Variants in DAAM1 observed in about 807,000 individuals in gnomAD.
DAAM1 encodes the protein disheveled-associated activator of morphogenesis 1.
Under a neutral mutation model 130.0 loss-of-function variants are expected in DAAM1, and 52 were observed. That is an observed-to-expected ratio of 0.40 (90% confidence interval 0.32 to 0.50). DAAM1 has a LOEUF of 0.50. DAAM1 is among the 20% of genes least tolerant of loss of function. The pLI is 0.61. For synonymous variants in DAAM1, 452 were observed against 444.5 expected, an observed-to-expected ratio of 1.02 and a Z score of -0.21; for missense variants, 1,134 against 1,303.8, an observed-to-expected ratio of 0.87 and a Z score of 2.01.
At chr14:59,320,633 C>CT (rs1884972103) in intron 5 of DAAM1, 49 bp downstream of exon 5, 8 of 1,393,428 alleles carry the variant, frequency 5.7e-6, no homozygotes, top group Admixed American at 2.5e-5. Context: ...TCCTTCCTTC[C>CT]TTTTTTTGCA....
At chr14:59,247,883 C>A (rs1881462562) in intron 1 of DAAM1, among the ~76,000 whole-genome samples, 1 of 152,124 alleles carries the variant, frequency 6.6e-6, no homozygotes, top group East Asian at 1.9e-4. Flanking sequence ...CCATGTTGTG[C>A]AACTTGGATG....
rs577943761 is a variant in DAAM1 at position 59,196,992 on chromosome 14, C to T, written c.-38+8224C>T. 8.1e-3 allele frequency among the ~76,000 whole-genome samples: 1,227 copies of T among 152,206 alleles called. 10 individuals are homozygous for T. Among genetic ancestry groups the T allele is most frequent in the Non-Finnish European group, 0.014 (965 of 67,996 alleles). The stretch of plus-strand genomic sequence containing the variant: ...CTGGAGTGCAGTGGCGCGATCTCGG[C>T]TCACTGCAAGCTCCGCCTTCCAGGT... On this transcript the variant is annotated intron_variant, in intron 1 of 24. Transcript: ENST00000360909.
At chr14:59,213,930 A>C (rs555137837) in intron 1 of DAAM1, among the ~76,000 whole-genome samples, 2 of 152,320 alleles carry the variant, frequency 1.3e-5, no homozygotes, top group Non-Finnish European at 2.9e-5. Context: ...CATCTATCAA[A>C]GGGCAACCTC....
At chr14:59,190,926 C>T (rs936781609) in intron 1 of DAAM1, among the ~76,000 whole-genome samples, 1 of 152,274 alleles carries the variant, frequency 6.6e-6, no homozygotes, top group South Asian at 2.1e-4. Flanking sequence ...TTTATACTAC[C>T]ACTACTATTA....
intron 1 of DAAM1, among the ~76,000 whole-genome samples, chr14:59,194,802 T>A (rs1887833580): frequency 6.6e-6 from 1 of 152,266 alleles, no homozygotes; most frequent in African/African-American, 2.4e-5. Context: ...AAACAATTTC[T>A]ATTCTTTTAA....
chr14:59,240,160 G>A (rs1221175182), intron 1 of DAAM1, among the ~76,000 whole-genome samples: 1 of 152,186 alleles, frequency 6.6e-6, no homozygotes, highest in East Asian at 1.9e-4. Flanking sequence ...GGCTAGAGGG[G>A]GGTATGGCTT....
At chr14:59,319,054 G>A (rs182937731) in intron 4 of DAAM1, among the ~76,000 whole-genome samples, 49 of 152,270 alleles carry the variant, frequency 3.2e-4, no homozygotes, top group African/African-American at 1.1e-3. Flanking sequence ...GAGTCCAAAC[G>A]AGTTCAGCTA....
chr14:59,330,940 A>G (rs1181301042), intron 13 of DAAM1, among the ~76,000 whole-genome samples: 1 of 152,208 alleles, frequency 6.6e-6, no homozygotes, highest in Non-Finnish European at 1.5e-5. Flanking sequence ...AACTGACTTC[A>G]TGAAAACCAG....
chr14:59,336,964 C>T (rs1433533154), intron 15 of DAAM1, among the ~76,000 whole-genome samples: 3 of 152,326 alleles, frequency 2.0e-5, no homozygotes, highest in African/African-American at 4.8e-5. Flanking sequence ...CCCCAAGCCA[C>T]ACACCCGGTA....
At chr14:59,285,054 A>G (rs934515076) in intron 2 of DAAM1, among the ~76,000 whole-genome samples, 3 of 152,146 alleles carry the variant, frequency 2.0e-5, no homozygotes, top group Non-Finnish European at 4.4e-5. Flanking sequence ...AAAGGCAGCT[A>G]GAGAGAAGGG....
rs370102957 is a variant in DAAM1 at position 59,259,998 on chromosome 14, C to T, written c.-37-3443C>T. 1.6e-4 allele frequency among the ~76,000 whole-genome samples: 24 copies of T among 152,124 alleles called. 1 individual carries two copies. The highest frequency in any genetic ancestry group is 8.5e-4 in the Admixed American group (13 of 15,288). Reference sequence around the variant, plus strand: ...GGCGGAGCTTGCAGTGAGCTGAGATCGCGCCACTGCACTCTAGCCTGGGCA... The same window carrying T: ...GGCGGAGCTTGCAGTGAGCTGAGATTGCGCCACTGCACTCTAGCCTGGGCA... On this transcript the variant is annotated intron_variant, in intron 1 of 24. Transcript: ENST00000360909.
intron 24 of DAAM1, among the ~76,000 whole-genome samples, chr14:59,367,868 CA>C (rs1459370673): frequency 6.6e-6 from 1 of 151,846 alleles, no homozygotes; most frequent in Non-Finnish European, 1.5e-5. Flanking sequence ...TAAATTTACA[CA>C]AAAAAGGGCA....
At chr14:59,295,193 G>C (rs1039114938) in intron 3 of DAAM1, among the ~76,000 whole-genome samples, 6 of 152,182 alleles carry the variant, frequency 3.9e-5, no homozygotes, top group African/African-American at 1.4e-4. Context: ...TAAAGCCAAG[G>C]CTTAAGTAAA....
intron 15 of DAAM1, chr14:59,338,266 C>G (rs1243105926): frequency 2.0e-6 from 2 of 1,006,694 alleles, no homozygotes; most frequent in Non-Finnish European, 3.1e-6. Flanking sequence ...GGGCATAAAT[C>G]ATCTCTTACC....
chr14:59,365,692 G>A (rs1269722529), intron 23 of DAAM1, among the ~76,000 whole-genome samples: 1 of 152,074 alleles, frequency 6.6e-6, no homozygotes, highest in Non-Finnish European at 1.5e-5. Context: ...ACAAAGGCAA[G>A]TAAAGCAATA....
intron 10 of DAAM1, 140 bp from the exon 11 acceptor site, chr14:59,326,370 C>A: frequency 1.2e-6 from 1 of 862,536 alleles, no homozygotes; most frequent in Non-Finnish European, 1.7e-6. Flanking sequence ...GTCAAAATTC[C>A]ATAACTTTGG....
At chr14:59,299,703 C>T (rs1884097491) in intron 3 of DAAM1, 1 of 151,954 alleles carries the variant, frequency 6.6e-6, no homozygotes. Flanking sequence ...ATGCTCAGCA[C>T]CAGAAGCTGG....
At chr14:59,282,628 T>C (rs1883276251) in intron 2 of DAAM1, among the ~76,000 whole-genome samples, 1 of 152,172 alleles carries the variant, frequency 6.6e-6, no homozygotes, top group African/African-American at 2.4e-5. Flanking sequence ...GAACATGGGC[T>C]GTGTAACCAG....
At chr14:59,328,070 C>T (rs1379507232) in intron 12 of DAAM1, among the ~76,000 whole-genome samples, 1 of 152,242 alleles carries the variant, frequency 6.6e-6, no homozygotes, top group Non-Finnish European at 1.5e-5. Flanking sequence ...TATTCACTCA[C>T]AGCCAATGAA....
Sources: allele counts gnomAD v4.1 joint callset (sites outside exome capture counted in the v4.1 genomes callset), GRCh38; gene constraint gnomAD v4.1.1; transcripts MANE v1.5; gene names NCBI Gene and HGNC (gene_info 2026-07-23, HGNC 2026-07-21).